Variants in EPHB2 observed in about 807,000 individuals in gnomAD.
EPHB2 encodes EPH receptor B2, also known as ephrin type-B receptor 2.
A neutral mutation model predicts 96.4 loss-of-function variants in EPHB2; 18 were observed. That is an observed-to-expected ratio of 0.19 (90% CI 0.13 to 0.28). EPHB2 has a LOEUF of 0.28. Ranked by LOEUF, EPHB2 falls within the 10% of genes least tolerant of loss-of-function variation. The pLI is 1.00. For synonymous variants in EPHB2, 506 were observed against 534.1 expected, an observed-to-expected ratio of 0.95 and a Z score of 0.72; for missense variants, 989 against 1,355.4, an observed-to-expected ratio of 0.73 and a Z score of 4.25.
At chr1:22,712,188 G>A (rs962931756) in intron 1 of EPHB2, among the ~76,000 whole-genome samples, 2 of 152,224 alleles carry the variant, frequency 1.3e-5, no homozygotes, top group African/African-American at 4.8e-5. Flanking sequence ...GGGAAGACAG[G>A]TAGGTATGAT....
At chr1:22,833,148 C>T (rs574160265) in intron 3 of EPHB2, among the ~76,000 whole-genome samples, 2 of 151,910 alleles carry the variant, frequency 1.3e-5, no homozygotes, top group Admixed American at 1.3e-4. Flanking sequence ...GACAGAGTCT[C>T]GCTCTTTTGC....
intron 1 of EPHB2, among the ~76,000 whole-genome samples, chr1:22,753,992 C>T (rs1356654871): frequency 6.6e-6 from 1 of 152,144 alleles, no homozygotes; most frequent in Non-Finnish European, 1.5e-5. Context: ...TCAACCTTAG[C>T]TTCACCCTTA....
intron 3 of EPHB2, among the ~76,000 whole-genome samples, chr1:22,799,505 CAAG>C: frequency 6.6e-6 from 1 of 152,170 alleles, no homozygotes. Context: ...TGTGAAGACT[CAAG>C]GAGATAATGA....
intron 5 of EPHB2, among the ~76,000 whole-genome samples, chr1:22,881,125 GCA>G (rs576431799): frequency 3.3e-4 from 50 of 152,224 alleles, no homozygotes; most frequent in African/African-American, 8.9e-4. Context: ...ATTACACCAG[GCA>G]CAGTGTCTCA....
rs760433469 is a variant in EPHB2 at position 22,864,871 on chromosome 1, C to T, written c.968-6C>T. ...CCCACTGACCAACACCTCTCCCCCGCCCCAGCCATCCCCTCCGCGCCCCAG... is the reference window on the plus strand; with the variant it reads ...CCCACTGACCAACACCTCTCCCCCGTCCCAGCCATCCCCTCCGCGCCCCAG... On this transcript the variant is annotated splice_polypyrimidine_tract_variant and splice_region_variant and intron_variant, in intron 4 of 15. Transcript: ENST00000374630. 1.3e-6 allele frequency: 2 copies of T among 1,599,890 alleles called. No individual in the cohort carries two copies. Among genetic ancestry groups the T allele is most frequent in the Non-Finnish European group, 1.7e-6 (2 of 1,172,948 alleles).
intron 1 of EPHB2, among the ~76,000 whole-genome samples, chr1:22,747,632 C>G (rs1643994979): frequency 6.6e-6 from 1 of 152,230 alleles, no homozygotes; most frequent in Non-Finnish European, 1.5e-5. Context: ...TTGCCAGACC[C>G]CCAGTCATCA....
intron 3 of EPHB2, among the ~76,000 whole-genome samples, chr1:22,845,704 C>G (rs1645531572): frequency 6.6e-6 from 1 of 152,086 alleles, no homozygotes; most frequent in Non-Finnish European, 1.5e-5. Context: ...TTCTCTCTCT[C>G]TCTTTACACA....
chr1:22,856,451 T>A (rs145341108), intron 3 of EPHB2, among the ~76,000 whole-genome samples: 12 of 152,304 alleles, frequency 7.9e-5, no homozygotes, highest in African/African-American at 2.6e-4. Flanking sequence ...CCCTGAGACC[T>A]GAGTTTGAGG....
intron 1 of EPHB2, among the ~76,000 whole-genome samples, chr1:22,746,342 G>A (rs1029138153): frequency 5.3e-5 from 8 of 152,206 alleles, no homozygotes; most frequent in Non-Finnish European, 1.2e-4. Flanking sequence ...GAGTTGACCT[G>A]GCTAAAAGGG....
intron 5 of EPHB2, among the ~76,000 whole-genome samples, chr1:22,865,565 C>T (rs1044872905): frequency 2.0e-5 from 3 of 152,212 alleles, no homozygotes; most frequent in Middle Eastern, 3.2e-3. Flanking sequence ...CTCAGAGACT[C>T]AGGGACCCAG....
chr1:22,859,455 G>T (rs577505734), intron 3 of EPHB2, among the ~76,000 whole-genome samples: 1 of 152,140 alleles, frequency 6.6e-6, no homozygotes, highest in Non-Finnish European at 1.5e-5. Context: ...TAAGATAGTG[G>T]CTTCATTGAG....
intron 4 of EPHB2, among the ~76,000 whole-genome samples, chr1:22,864,072 A>C (rs1570406009): frequency 7.6e-6 from 1 of 132,310 alleles, no homozygotes; most frequent in East Asian, 2.4e-4. Context: ...ATGGAGTTTC[A>C]CTCTGTCGCC....
At chr1:22,773,129 G>T (rs1165574829) in intron 1 of EPHB2, among the ~76,000 whole-genome samples, 1 of 152,178 alleles carries the variant, frequency 6.6e-6, no homozygotes, top group African/African-American at 2.4e-5. Context: ...GGCTCCCAAT[G>T]CCTCCTTTGA....
chr1:22,743,923 C>T (rs954742500), intron 1 of EPHB2, among the ~76,000 whole-genome samples: 5 of 152,182 alleles, frequency 3.3e-5, no homozygotes, highest in East Asian at 1.9e-4. Context: ...ATATGGCATC[C>T]GGGGCAGCAG....
In EPHB2 at chr1:22,785,001, G is replaced by C. The variant is rs1318420169; in HGVS notation, c.736G>C (p.Glu246Gln). 2.5e-6 allele frequency: 4 copies of C among 1,613,916 alleles called. No homozygotes were observed. Among genetic ancestry groups the C allele is most frequent in the Non-Finnish European group, 3.4e-6 (4 of 1,180,056 alleles). Residue 246 changes from glutamate to glutamine, a missense_variant, in exon 3 of 16, where the codon GAG becomes CAG. Glu to Gln is a conservative substitution (Grantham distance 29). Transcript: ENST00000374630. ...PIKLYCNGDG[E>Q]WLVPIGRCMC... ...CAAGCTCTACTGTAACGGGGACGGC[G>C]AGTGGCTGGTGCCCATCGGGCGCTG...
At chr1:22,878,567 C>T (rs1638921741) in intron 5 of EPHB2, among the ~76,000 whole-genome samples, 3 of 152,184 alleles carry the variant, frequency 2.0e-5, no homozygotes, top group Admixed American at 6.5e-5. Context: ...TCCTGAGGGG[C>T]GCCCAGCACC....
chr1:22,738,301 A>G, intron 1 of EPHB2, among the ~76,000 whole-genome samples: 1 of 152,132 alleles, frequency 6.6e-6, no homozygotes, highest in East Asian at 1.9e-4. Context: ...GGTCTTTCCA[A>G]AGCCAGGAGT....
chr1:22,781,358 A>C (rs1217071446), intron 1 of EPHB2, 63 bp from the exon 2 acceptor site: 2 of 1,518,224 alleles, frequency 1.3e-6, no homozygotes, highest in Non-Finnish European at 1.8e-6. Flanking sequence ...ATGAGGGCCC[A>C]ACAGAAAGAT....
chr1:22,712,421 G>A (rs1643178249), intron 1 of EPHB2, among the ~76,000 whole-genome samples: 1 of 152,210 alleles, frequency 6.6e-6, no homozygotes, highest in Non-Finnish European at 1.5e-5. Context: ...GGCCACTTTA[G>A]GGTTGTGGGG....
Sources: allele counts gnomAD v4.1 joint callset (sites outside exome capture counted in the v4.1 genomes callset), GRCh38; gene constraint gnomAD v4.1.1; transcripts MANE v1.5; gene names NCBI Gene and HGNC (gene_info 2026-07-23, HGNC 2026-07-21).